The following CCDC102B variants were observed in gnomAD, a reference collection of about 807,000 sequenced individuals.
The protein encoded by CCDC102B is coiled-coil domain containing 102B, also known as coiled-coil domain-containing protein 102B.
CCDC102B carries 75 observed loss-of-function variants against 57.4 expected under a neutral mutation model. The ratio of observed to expected loss-of-function variants is 1.31; its 90% CI spans 1.08 to 1.58. The LOEUF is 1.58. Ranked by LOEUF, CCDC102B falls within the 40% of genes most tolerant of loss-of-function variation. The pLI, the probability that CCDC102B is intolerant of heterozygous loss-of-function variation, is 0.00. For synonymous variants in CCDC102B, 206 were observed against 201.9 expected, an observed-to-expected ratio of 1.02 and a Z score of -0.17; for missense variants, 636 against 582.6, an observed-to-expected ratio of 1.09 and a Z score of -0.94.
At chr18:68,796,843 ATGTGTG>A (rs35894372), upstream of CCDC102B, among the ~76,000 whole-genome samples, 256 of 146,876 alleles carry the variant, frequency 1.7e-3, no homozygotes, top group East Asian at 0.028. Context: ...ATGTACATGC[ATGTGTG>A]TGTGTGTGTG....
At chr18:68,885,947 G>A (rs1423281436) in intron 5 of CCDC102B, among the ~76,000 whole-genome samples, 6 of 151,784 alleles carry the variant, frequency 4.0e-5, no homozygotes, top group East Asian at 1.9e-4. Flanking sequence ...TAACTGCATC[G>A]AAAACTAAGC....
chr18:68,967,571 T>C (rs1308248223), intron 6 of CCDC102B, among the ~76,000 whole-genome samples: 2 of 152,178 alleles, frequency 1.3e-5, no homozygotes. Context: ...AGACACTTAC[T>C]GTGTATTACA....
intron 3 of CCDC102B, among the ~76,000 whole-genome samples, chr18:68,840,756 G>A (rs949483546): frequency 6.6e-6 from 1 of 152,188 alleles, no homozygotes; most frequent in Non-Finnish European, 1.5e-5. Context: ...ATGCAGAGCT[G>A]TGTTTTTCTA....
chr18:68,904,885 C>G (rs1017343282), intron 6 of CCDC102B, among the ~76,000 whole-genome samples: 1 of 152,092 alleles, frequency 6.6e-6, no homozygotes, highest in Admixed American at 6.5e-5. Flanking sequence ...TTCTCTTATA[C>G]TATTCACTGC....
At chr18:69,021,586 T>A (rs553065664) in intron 7 of CCDC102B, among the ~76,000 whole-genome samples, 2 of 152,352 alleles carry the variant, frequency 1.3e-5, no homozygotes, top group East Asian at 3.9e-4. Context: ...ATCCTAAGTA[T>A]ATACAGTTGA....
intron 4 of CCDC102B, among the ~76,000 whole-genome samples, chr18:68,863,112 C>T (rs2144888004): frequency 6.6e-6 from 1 of 151,618 alleles, no homozygotes; most frequent in South Asian, 2.1e-4. Flanking sequence ...AAATCATTTA[C>T]TTTATTTGAA....
chr18:68,747,663 T>G (rs1599402669), intron 2 of CCDC102B, among the ~76,000 whole-genome samples: 2 of 152,270 alleles, frequency 1.3e-5, no homozygotes, highest in South Asian at 4.1e-4. Flanking sequence ...CATAATGTAC[T>G]CCAGGTTCAT....
intron 7 of CCDC102B, among the ~76,000 whole-genome samples, chr18:69,026,190 G>A (rs1206126040): frequency 6.6e-6 from 1 of 152,162 alleles, no homozygotes; most frequent in Non-Finnish European, 1.5e-5. Flanking sequence ...GTCTTGCCGG[G>A]CACGGTGGCT....
chr18:68,869,286 A>T (rs367999007), intron 4 of CCDC102B, among the ~76,000 whole-genome samples: 14 of 152,166 alleles, frequency 9.2e-5, no homozygotes, highest in East Asian at 5.8e-4. Context: ...ACCAAGCAAG[A>T]CAGAGAAAAG....
At chr18:68,936,635 C>T (rs1477779141) in intron 6 of CCDC102B, among the ~76,000 whole-genome samples, 1 of 151,792 alleles carries the variant, frequency 6.6e-6, no homozygotes, top group African/African-American at 2.4e-5. Flanking sequence ...TTCAAATTAG[C>T]ATACTTCCTA....
At position 68,919,003 on chromosome 18, in the gene CCDC102B, A is replaced by G. The variant is rs1416879640; in HGVS notation, c.1263+21575A>G. The stretch of plus-strand genomic sequence containing the variant: ...GAAGGGAATATACATTATCACATCT[A>G]TGTGCACATGTGTTAAGACTACAAG... On this transcript the variant is annotated intron_variant, in intron 6 of 7. Transcript: ENST00000360242. 2.0e-5 allele frequency among the ~76,000 whole-genome samples: 3 copies of G among 152,038 alleles called. No homozygotes were observed. In the East Asian group the frequency reaches 5.8e-4, roughly 29 times the overall value.
chr18:68,816,500 C>A (rs1405278182), intron 1 of CCDC102B, among the ~76,000 whole-genome samples: 1 of 97,290 alleles, frequency 1.0e-5, no homozygotes, highest in African/African-American at 4.7e-5. Flanking sequence ...GAGTCTCGCT[C>A]TGTAGCCCAG....
intron 6 of CCDC102B, among the ~76,000 whole-genome samples, chr18:68,909,869 A>T (rs183878030): frequency 6.6e-6 from 1 of 152,320 alleles, no homozygotes; most frequent in Non-Finnish European, 1.5e-5. Flanking sequence ...GCTGCTTCAT[A>T]TTTGGAATGT....
At chr18:68,804,594 A>C (rs1193707701) in intron 1 of CCDC102B, among the ~76,000 whole-genome samples, 1 of 152,120 alleles carries the variant, frequency 6.6e-6, no homozygotes, top group African/African-American at 2.4e-5. Context: ...ATGAGAGAGG[A>C]TGCCCTCAGA....
At chr18:68,792,000 G>T (rs960130618) in intron 2 of CCDC102B, among the ~76,000 whole-genome samples, 9 of 152,106 alleles carry the variant, frequency 5.9e-5, no homozygotes, top group Non-Finnish European at 1.0e-4. Flanking sequence ...TGGCAGCTGC[G>T]CACAGGACAG....
chr18:68,810,502 C>T (rs2036202699), intron 1 of CCDC102B, among the ~76,000 whole-genome samples: 1 of 151,900 alleles, frequency 6.6e-6, no homozygotes, highest in South Asian at 2.1e-4. Flanking sequence ...TGCCTTAATC[C>T]AGGAAATAAT....
At chr18:68,927,030 AAGTT>A (rs1464055494) in intron 6 of CCDC102B, among the ~76,000 whole-genome samples, 2 of 151,958 alleles carry the variant, frequency 1.3e-5, no homozygotes, top group Non-Finnish European at 2.9e-5. Context: ...AATGAGCCAA[AAGTT>A]AGTTTGTTTG....
chr18:68,842,737 T>C (rs936079058), intron 3 of CCDC102B, among the ~76,000 whole-genome samples: 2 of 152,194 alleles, frequency 1.3e-5, no homozygotes, highest in Admixed American at 1.3e-4. Flanking sequence ...TGTCTCTACC[T>C]TAATGGTGGC....
At chr18:68,883,355 G>A (rs1339119320) in intron 5 of CCDC102B, among the ~76,000 whole-genome samples, 1 of 149,922 alleles carries the variant, frequency 6.7e-6, no homozygotes, top group Non-Finnish European at 1.5e-5. Flanking sequence ...AGGTTGCAGT[G>A]AGCCGAGATC....
Sources: gnomAD v4.1 joint callset for allele counts (sites outside exome capture counted in the v4.1 genomes callset) on GRCh38, gnomAD v4.1.1 for gene constraint, MANE v1.5 for transcripts, NCBI Gene and HGNC (gene_info 2026-07-23, HGNC 2026-07-21) for gene names.